The following KHDRBS2 variants were observed in gnomAD, a reference collection of about 807,000 sequenced individuals.
The protein encoded by KHDRBS2 is KH RNA binding domain containing, signal transduction associated 2.
In KHDRBS2, 26 loss-of-function variants were observed where a neutral mutation model predicts 44.3. That is an observed-to-expected ratio of 0.59 (90% CI 0.43 to 0.81). The LOEUF is 0.81. Ranked by LOEUF, KHDRBS2 falls within the 40% of genes least tolerant of loss-of-function variation. The probability of loss-of-function intolerance (pLI) is 0.00; values close to 1 mark genes in which losing one functional copy is unlikely to be tolerated. For missense variants in KHDRBS2, 476 were observed against 433.1 expected (o/e 1.10, Z -0.88); for synonymous variants, 194 against 151.1 (o/e 1.28, Z -2.08).
intron 2 of KHDRBS2, among the ~76,000 whole-genome samples, chr6:62,106,643 G>T (rs1400878514): frequency 1.3e-5 from 2 of 151,830 alleles, no homozygotes; most frequent in African/African-American, 4.8e-5. Context: ...AAGCCGGGCA[G>T]AGACATTTTA....
intron 7 of KHDRBS2, among the ~76,000 whole-genome samples, chr6:61,725,506 C>A (rs1160762049): frequency 2.0e-5 from 3 of 151,924 alleles, no homozygotes; most frequent in African/African-American, 7.2e-5. Context: ...AATCCAGGAG[C>A]TGGTTTTTTG....
chr6:61,565,980 T>C, the KHDRBS2 span, among the ~76,000 whole-genome samples: 1 of 145,364 alleles, frequency 6.9e-6, no homozygotes, highest in African/African-American at 2.6e-5. Context: ...TCAACAGATG[T>C]ATGGGTAAAG....
intron 6 of KHDRBS2, among the ~76,000 whole-genome samples, chr6:61,780,053 G>A (rs545694090): frequency 1.1e-4 from 16 of 152,186 alleles, no homozygotes; most frequent in African/African-American, 3.6e-4. Context: ...GAAGTACACG[G>A]TGTACCCTCA....
At chr6:62,164,518 G>A (rs1393048560) in intron 2 of KHDRBS2, among the ~76,000 whole-genome samples, 1 of 151,650 alleles carries the variant, frequency 6.6e-6, no homozygotes, top group Non-Finnish European at 1.5e-5. Context: ...AAAAATGCCT[G>A]CAATAAAAAG....
rs187113797 is a variant in KHDRBS2, at chr6:62,072,951, G to C, written c.220-24957C>G. Among the ~76,000 whole-genome samples, 96 of 152,148 alleles carry C rather than the reference G, an allele frequency of 6.3e-4. 1 individual carries two copies. In the East Asian group the frequency reaches 0.016, roughly 25 times the overall value. ...CCCCTTGTACCTCTGGTAGAATTCA[G>C]CTGTGAATCCATCTGGTCCTGGACT... On this transcript the variant is annotated intron_variant, in intron 2 of 8. Transcript: ENST00000281156.
At chr6:61,797,837 G>C (rs1221911976) in intron 6 of KHDRBS2, among the ~76,000 whole-genome samples, 1 of 151,424 alleles carries the variant, frequency 6.6e-6, no homozygotes, top group African/African-American at 2.4e-5. Flanking sequence ...TGAATTTGTA[G>C]AGGGGACTTC....
intron 4 of KHDRBS2, among the ~76,000 whole-genome samples, chr6:61,927,738 C>T (rs766226065): frequency 6.6e-5 from 10 of 151,988 alleles, no homozygotes; most frequent in South Asian, 2.1e-4. Flanking sequence ...CACAATAAAT[C>T]GATGAAAGTA....
At chr6:61,741,833 G>A (rs193270518) in intron 6 of KHDRBS2, among the ~76,000 whole-genome samples, 4 of 152,026 alleles carry the variant, frequency 2.6e-5, no homozygotes, top group East Asian at 1.9e-4. Flanking sequence ...GATATGAAAT[G>A]TCATTCTGAC....
intron 6 of KHDRBS2, among the ~76,000 whole-genome samples, chr6:61,867,711 C>T (rs532831177): frequency 9.6e-4 from 146 of 152,250 alleles, no homozygotes; most frequent in Non-Finnish European, 1.6e-3. Context: ...GGGCTGCTGC[C>T]GTTTGCTGGC....
chr6:61,702,317 C>T (rs994223325), intron 7 of KHDRBS2, among the ~76,000 whole-genome samples: 10 of 151,882 alleles, frequency 6.6e-5, no homozygotes, highest in African/African-American at 2.2e-4. Flanking sequence ...GCTAGAGTAA[C>T]TTTGGACTCA....
At chr6:61,865,520 T>C (rs1158808152) in intron 6 of KHDRBS2, among the ~76,000 whole-genome samples, 5 of 152,078 alleles carry the variant, frequency 3.3e-5, no homozygotes, top group African/African-American at 7.2e-5. Context: ...GGGAAAGACC[T>C]CCCACCATGA....
chr6:62,108,945 G>C (rs1049358943), intron 2 of KHDRBS2, among the ~76,000 whole-genome samples: 2 of 152,092 alleles, frequency 1.3e-5, no homozygotes, highest in African/African-American at 4.8e-5. Context: ...GGGGACTGTT[G>C]TGAGGTGGGA....
chr6:61,561,539 T>G, the KHDRBS2 span, among the ~76,000 whole-genome samples: 1 of 152,170 alleles, frequency 6.6e-6, no homozygotes, highest in East Asian at 1.9e-4. Flanking sequence ...CTACTGCAGC[T>G]TAGCTGGTAC....
chr6:62,086,872 A>T (rs1048222172), intron 2 of KHDRBS2, among the ~76,000 whole-genome samples: 3 of 151,976 alleles, frequency 2.0e-5, no homozygotes, highest in African/African-American at 7.3e-5. Flanking sequence ...ACAGGCAGGG[A>T]TCCATTTCAT....
At chr6:62,102,283 G>C (rs1001137151) in intron 2 of KHDRBS2, among the ~76,000 whole-genome samples, 6 of 152,146 alleles carry the variant, frequency 3.9e-5, no homozygotes, top group African/African-American at 1.4e-4. Context: ...TTGCTATGAA[G>C]AAATACCCAA....
rs1278356080 is a variant in KHDRBS2, at chr6:62,107,122, G to T, written c.220-59128C>A. On this transcript the variant is annotated intron_variant, in intron 2 of 8. Coordinates refer to ENST00000281156, the MANE Select transcript of KHDRBS2 (RefSeq NM_152688.4). ...ATTAGGCAGGAGAAGGAAATAAAGG[G>T]TATTCAATTAGGAAAAGAGGAAGTC... Among the ~76,000 whole-genome samples, 4 of 151,712 alleles carry T rather than the reference G, an allele frequency of 2.6e-5. No homozygotes were observed. In the East Asian group the frequency reaches 7.8e-4, roughly 30 times the overall value.
At chr6:61,945,108 A>AGTGT (rs1812982313) in intron 4 of KHDRBS2, among the ~76,000 whole-genome samples, 1 of 54,996 alleles carries the variant, frequency 1.8e-5, no homozygotes, top group Admixed American at 2.5e-4. Context: ...AAAAAAAAAA[A>AGTGT]AAAAGTATAT....
chr6:61,735,847 C>A (rs1029098544), intron 6 of KHDRBS2, among the ~76,000 whole-genome samples: 1 of 151,966 alleles, frequency 6.6e-6, no homozygotes, highest in African/African-American at 2.4e-5. Context: ...AGCTTTGGTA[C>A]AATATTTTTA....
At chr6:62,051,894 T>A (rs781612093) in intron 2 of KHDRBS2, among the ~76,000 whole-genome samples, 1 of 151,924 alleles carries the variant, frequency 6.6e-6, no homozygotes, top group African/African-American at 2.4e-5. Flanking sequence ...ACATCATTAA[T>A]CATCAAGAAA....
Sources: allele counts gnomAD v4.1 joint callset (sites outside exome capture counted in the v4.1 genomes callset), GRCh38; gene constraint gnomAD v4.1.1; transcripts MANE v1.5; gene names NCBI Gene and HGNC (gene_info 2026-07-23, HGNC 2026-07-21).